Variants in MTF2 observed in about 807,000 individuals in gnomAD.
The protein encoded by MTF2 is metal response element binding transcription factor 2.
In MTF2, 11 loss-of-function variants were observed where a neutral mutation model predicts 79.5. That is an observed-to-expected ratio of 0.14 (90% CI 0.09 to 0.23). The LOEUF (loss-of-function observed/expected upper bound fraction) is 0.23. Ranked by LOEUF, MTF2 falls within the 10% of genes least tolerant of loss-of-function variation. The probability of loss-of-function intolerance (pLI) is 1.00; values close to 1 mark genes in which losing one functional copy is unlikely to be tolerated. For missense variants in MTF2, 486 were observed against 711.2 expected, an observed-to-expected ratio of 0.68 and a Z score of 3.60; for synonymous variants, 208 against 232.8, an observed-to-expected ratio of 0.89 and a Z score of 0.97.
intron 1 of MTF2, among the ~76,000 whole-genome samples, chr1:93,100,160 A>T (rs1223645179): frequency 2.0e-5 from 3 of 151,994 alleles, no homozygotes; most frequent in Non-Finnish European, 4.4e-5. Flanking sequence ...TGAAAGAGTT[A>T]AAAAAAACCC....
chr1:93,118,544 G>A, intron 7 of MTF2, 104 bp downstream of exon 7: 2 of 691,360 alleles, frequency 2.9e-6, no homozygotes, highest in Non-Finnish European at 4.6e-6. Flanking sequence ...CAGTGATTTG[G>A]AAAGGGGTTG....
chr1:93,079,376 C>A lies in MTF2; in HGVS notation c.-151C>A. The A allele has an allele frequency of 2.2e-6, 2 of 918,128 alleles. No individual in the cohort carries two copies. The highest frequency in any genetic ancestry group is 3.5e-6 in the Non-Finnish European group (2 of 569,746). 56.9% of individuals were successfully genotyped at this position (918,128 alleles called of 1,614,324 possible). ...CGCTCATTCTACCCCCAACCCTTGT[C>A]TCCAAGGACCTCGGTTTGTGCGTGC... On this transcript the variant is annotated 5_prime_UTR_variant, in exon 1 of 15. Transcript: ENST00000370298.
intron 5 of MTF2, 78 bp downstream of exon 5, chr1:93,115,166 A>G: frequency 9.0e-7 from 1 of 1,113,858 alleles, no homozygotes; most frequent in Non-Finnish European, 1.3e-6. Flanking sequence ...TGTACACTGA[A>G]AGTTTGTTGG....
At chr1:93,086,874 T>C (rs1264856939) in intron 1 of MTF2, among the ~76,000 whole-genome samples, 1 of 152,210 alleles carries the variant, frequency 6.6e-6, no homozygotes, top group Non-Finnish European at 1.5e-5. Flanking sequence ...ATATCCCTTA[T>C]TTGAAATGCT....
chr1:93,137,148 A>G lies in MTF2; in HGVS notation c.*121A>G, dbSNP rs374822650. 9 of 773,760 alleles carry G rather than the reference A, an allele frequency of 1.2e-5. No homozygotes were observed. The highest frequency in any genetic ancestry group is 1.0e-5 in the Non-Finnish European group (5 of 494,758). 47.9% of individuals were successfully genotyped at this position (773,760 alleles called of 1,614,324 possible). On this transcript the variant is annotated 3_prime_UTR_variant, in exon 15 of 15. Coordinates refer to ENST00000370298, the MANE Select transcript of MTF2 (RefSeq NM_007358.4). ...AAAAAAAAAAGTCAAAAAAATTCAA[A>G]AAAGGGGATGATACTAGCCTTAACA...
intron 8 of MTF2, 131 bp from the exon 9 acceptor site, chr1:93,120,418 T>C: frequency 4.1e-6 from 3 of 724,198 alleles, no homozygotes; most frequent in Non-Finnish European, 6.2e-6. Context: ...AGTGATTTAT[T>C]GTATTGTGAA....
At chr1:93,104,884 C>T (rs935057442) in intron 1 of MTF2, among the ~76,000 whole-genome samples, 2 of 151,638 alleles carry the variant, frequency 1.3e-5, no homozygotes, top group Non-Finnish European at 1.5e-5. Context: ...CGGCCGGGCG[C>T]GGTGGCTCAC....
chr1:93,133,972 T>C lies in MTF2; in HGVS notation c.1311T>C (p.Cys437=). Reference sequence around the variant, plus strand: ...AGAATCCTACTTTGGATTTACCTTGTTCTATAGGGTAAATAGAAAGTTATT... The same window carrying C: ...AGAATCCTACTTTGGATTTACCTTGCTCTATAGGGTAAATAGAAAGTTATT... ...ISENPTLDLP[C]SIGRTEGTAH... Residue 437 remains cysteine (C), a synonymous_variant, in exon 13 of 15, where the codon TGT becomes TGC. Coordinates refer to ENST00000370298, the MANE Select transcript of MTF2 (RefSeq NM_007358.4). The C allele has an allele frequency of 6.3e-7, 1 of 1,577,228 alleles. No individual in the cohort carries two copies. Among genetic ancestry groups the C allele is most frequent in the Non-Finnish European group, 8.7e-7 (1 of 1,152,124 alleles).
chr1:93,090,046 G>A (rs943934380), intron 1 of MTF2, among the ~76,000 whole-genome samples: 1 of 151,916 alleles, frequency 6.6e-6, no homozygotes, highest in African/African-American at 2.4e-5. Context: ...GCACGATCTC[G>A]GCTCACTGCA....
At chr1:93,103,005 G>A (rs1213662315) in intron 1 of MTF2, among the ~76,000 whole-genome samples, 1 of 151,908 alleles carries the variant, frequency 6.6e-6, no homozygotes, top group Admixed American at 6.6e-5. Flanking sequence ...GGTGGTGGGC[G>A]CCTGTAGTCT....
intron 1 of MTF2, among the ~76,000 whole-genome samples, chr1:93,083,773 G>T (rs943863515): frequency 1.3e-5 from 2 of 152,184 alleles, no homozygotes; most frequent in African/African-American, 2.4e-5. Context: ...CCATCCTAGG[G>T]TTTGAATTGG....
chr1:93,105,953 C>T (rs571171936), intron 1 of MTF2, among the ~76,000 whole-genome samples: 5 of 152,172 alleles, frequency 3.3e-5, no homozygotes, highest in South Asian at 2.1e-4. Flanking sequence ...GAATTACAGG[C>T]GTGAGCCACC....
At chr1:93,106,852 TAG>T (rs1286574431) in intron 1 of MTF2, among the ~76,000 whole-genome samples, 3 of 152,206 alleles carry the variant, frequency 2.0e-5, no homozygotes, top group African/African-American at 7.2e-5. Context: ...TGATTGCTAA[TAG>T]AGTTATTCCC....
intron 11 of MTF2, among the ~76,000 whole-genome samples, chr1:93,130,424 A>G (rs922572547): frequency 2.6e-5 from 4 of 152,158 alleles, no homozygotes; most frequent in African/African-American, 7.2e-5. Flanking sequence ...TAAAATTACA[A>G]AAATTAGCCG....
At position 93,120,442 on chromosome 1, in the gene MTF2, C is replaced by T. The variant is rs975386019; in HGVS notation, c.798-107C>T. The T allele has an allele frequency of 8.6e-6, 9 of 1,047,922 alleles. No individual in the cohort carries two copies. The East Asian group carries it at 2.3e-4, about 26-fold the overall frequency. 64.9% of individuals were successfully genotyped at this position (1,047,922 alleles called of 1,614,324 possible). ...TTGTATTGTGAATATGACTATCCAC[C>T]TAAATATTTCTCTTTGCATTTTAAT... is the stretch of plus-strand genomic sequence containing the variant. On this transcript the variant is annotated intron_variant, in intron 8 of 14. Transcript: ENST00000370298.
intron 1 of MTF2, among the ~76,000 whole-genome samples, chr1:93,090,263 A>C (rs918529568): frequency 6.6e-6 from 1 of 152,170 alleles, no homozygotes; most frequent in Non-Finnish European, 1.5e-5. Flanking sequence ...GGTGTGAGCC[A>C]CCATGCCTGG....
At chr1:93,121,587 G>A (rs1331235561) in intron 9 of MTF2, 1 of 977,138 alleles carries the variant, frequency 1.0e-6, no homozygotes, top group Non-Finnish European at 1.2e-6. Flanking sequence ...GGGTTTATGG[G>A]ATATCAGGGA....
chr1:93,097,940 A>T (rs1655365485), intron 1 of MTF2, among the ~76,000 whole-genome samples: 3 of 152,054 alleles, frequency 2.0e-5, no homozygotes, highest in Admixed American at 2.0e-4. Context: ...TTGGGTTCCC[A>T]TCTTTTTCTC....
intron 14 of MTF2, among the ~76,000 whole-genome samples, chr1:93,135,373 A>G (rs1234162580): frequency 1.3e-5 from 2 of 152,194 alleles, no homozygotes; most frequent in African/African-American, 2.4e-5. Flanking sequence ...TTCTGTTTAA[A>G]TTTTGTTCAT....
Sources: gnomAD v4.1 joint callset for allele counts (sites outside exome capture counted in the v4.1 genomes callset) on GRCh38, gnomAD v4.1.1 for gene constraint, MANE v1.5 for transcripts, NCBI Gene and HGNC (gene_info 2026-07-23, HGNC 2026-07-21) for gene names.